Variants in DDX54 observed in about 807,000 individuals in gnomAD.
DDX54 encodes ATP-dependent RNA helicase DDX54.
Under a neutral mutation model 105.5 loss-of-function variants are expected in DDX54, and 67 were observed. The observed-to-expected ratio is 0.64, with a 90% CI of 0.52 to 0.78. The LOEUF (loss-of-function observed/expected upper bound fraction) is 0.78. Ranked by LOEUF, DDX54 falls within the 30% of genes least tolerant of loss-of-function variation. The pLI, the probability that DDX54 is intolerant of heterozygous loss-of-function variation, is 0.00. For synonymous variants in DDX54, 514 were observed against 509.9 expected, an observed-to-expected ratio of 1.01 and a Z score of -0.11; for missense variants, 1,206 against 1,230.5, an observed-to-expected ratio of 0.98 and a Z score of 0.30.
intron 5 of DDX54, 123 bp from the exon 6 acceptor site, chr12:113,177,216 T>A: frequency 8.6e-7 from 1 of 1,163,078 alleles, no homozygotes; most frequent in Non-Finnish European, 1.2e-6. Context: ...GGCTTGGAAC[T>A]GAGGAAAGGC....
In DDX54 at chr12:113,158,530, T is replaced by C. The variant is rs769454189; in HGVS notation, c.*347A>G. The C allele has an allele frequency of 9.2e-5, 21 of 227,960 alleles. No individual in the cohort carries two copies. Among genetic ancestry groups the C allele is most frequent in the East Asian group, 7.2e-4 (8 of 11,092 alleles). The allele number at this position is 227,960 out of a possible 1,614,324, so 14.1% of individuals were successfully genotyped here. On this transcript the variant is annotated 3_prime_UTR_variant, in exon 20 of 20. Coordinates refer to ENST00000306014, the MANE Select transcript of DDX54 (RefSeq NM_024072.4). This position sits in a 1 kb window ranked among gnomAD's most constrained non-coding sequence, Gnocchi z 4.9. ...AAGATTTATTACATTAAAAATTCCA[T>C]TGCCAAACCCTGAGGCACTCAGGGC... is the stretch of plus-strand genomic sequence containing the variant.
intron 11 of DDX54, among the ~76,000 whole-genome samples, chr12:113,171,767 C>CA (rs927741350): frequency 2.0e-5 from 3 of 152,086 alleles, no homozygotes; most frequent in African/African-American, 7.2e-5. Context: ...GGACACACAC[C>CA]AAAATGACGG....
At chr12:113,159,229 C>T in intron 19 of DDX54, 120 bp from the exon 20 acceptor site, 1 of 1,139,304 alleles carries the variant, frequency 8.8e-7, no homozygotes, top group Non-Finnish European at 1.2e-6. Context: ...TTGCTGTGGC[C>T]CAGTGTCTGT....
chr12:113,177,130 G>A, intron 5 of DDX54, 37 bp from the exon 6 acceptor site: 2 of 1,607,578 alleles, frequency 1.2e-6, no homozygotes, highest in Non-Finnish European at 1.7e-6. Context: ...GATAGAACAG[G>A]TCTCTTTGGT....
At chr12:113,164,951 C>G (rs2136315865) in intron 14 of DDX54, among the ~76,000 whole-genome samples, 1 of 152,188 alleles carries the variant, frequency 6.6e-6, no homozygotes, top group South Asian at 2.1e-4. Context: ...CGTTTGAGCC[C>G]AGGAGGTCAA....
At chr12:113,161,480 G>A (rs969073522) in intron 18 of DDX54, 98 bp from the exon 19 acceptor site, 25 of 953,152 alleles carry the variant, frequency 2.6e-5, no homozygotes, top group Non-Finnish European at 3.5e-5. Context: ...TATCCCAGCC[G>A]CAGCTGAAGC....
chr12:113,181,481 T>TA (rs199671969), intron 1 of DDX54, among the ~76,000 whole-genome samples: 4 of 143,826 alleles, frequency 2.8e-5, no homozygotes, highest in Admixed American at 1.4e-4. Flanking sequence ...TGTATTTATT[T>TA]TTTTTTTTTT....
At chr12:113,164,373 T>G (rs1952248920) in intron 14 of DDX54, 88 bp from the exon 15 acceptor site, 1 of 1,440,470 alleles carries the variant, frequency 6.9e-7, no homozygotes, top group African/African-American at 1.4e-5. Context: ...ATGGGCGTTC[T>G]TCCCCAAGTC....
Position 113,158,055 on chromosome 12 carries a change from A to C in DDX54, c.*822T>G. 4.8e-6 allele frequency: 1 copy of C among 208,378 alleles called. No individual in the cohort carries two copies. Among genetic ancestry groups the C allele is most frequent in the Non-Finnish European group, 9.8e-6 (1 of 102,294 alleles). The allele number at this position is 208,378 out of a possible 1,614,324, so 12.9% of individuals were successfully genotyped here. ...ATCACCAAGGCCCCCTCCACTATGG[A>C]CTCTGCCAGGTGAGGGGCCCAGCCT... On this transcript the variant is annotated 3_prime_UTR_variant, in exon 20 of 20. Transcript: ENST00000306014. This position sits in a 1 kb window ranked among gnomAD's most constrained non-coding sequence, Gnocchi z 4.9.
At chr12:113,170,044 G>T (rs1428352158) in intron 11 of DDX54, 140 bp from the exon 12 acceptor site, 1 of 1,227,970 alleles carries the variant, frequency 8.1e-7, no homozygotes. Flanking sequence ...TACGCACAGG[G>T]AAGTTTAATC....
intron 11 of DDX54, among the ~76,000 whole-genome samples, chr12:113,170,694 ATATAT>A (rs1363286981): frequency 2.0e-5 from 3 of 152,114 alleles, no homozygotes; most frequent in Non-Finnish European, 2.9e-5. Flanking sequence ...TCATTTGTTT[ATATAT>A]TATCTATATA....
chr12:113,175,821 C>T (rs949157001), intron 7 of DDX54, among the ~76,000 whole-genome samples: 11 of 151,844 alleles, frequency 7.2e-5, no homozygotes, highest in Admixed American at 2.6e-4. Flanking sequence ...GGCATGGTGG[C>T]GCATGCCTAT....
chr12:113,185,464 C>A lies in DDX54; in HGVS notation c.-13G>T. On this transcript the variant is annotated 5_prime_UTR_variant, in exon 1 of 20. Transcript: ENST00000306014. ...TGTCGGCCGCCATTCGGGCCGCGCG[C>A]TGGGAACGCAGAAGGGGGCGTGGCC... is the stretch of plus-strand genomic sequence containing the variant. 1 of 1,491,342 alleles carries A rather than the reference C, an allele frequency of 6.7e-7. No individual in the cohort carries two copies. Among genetic ancestry groups the A allele is most frequent in the African/African-American group, 1.5e-5 (1 of 68,388 alleles). The allele number at this position is 1,491,342 out of a possible 1,614,324, so 92.4% of individuals were successfully genotyped here.
chr12:113,180,086 A>C (rs1288957438), intron 2 of DDX54, 81 bp from the exon 3 acceptor site: 2 of 1,299,948 alleles, frequency 1.5e-6, no homozygotes, highest in Non-Finnish European at 2.2e-6. Flanking sequence ...GACAAATGAC[A>C]GCTTCATCAA....
chr12:113,168,534 C>T (rs1038033368), intron 12 of DDX54, among the ~76,000 whole-genome samples: 1 of 152,248 alleles, frequency 6.6e-6, no homozygotes, highest in Non-Finnish European at 1.5e-5. Flanking sequence ...CGGGAACCAG[C>T]AGGACTGCAG....
chr12:113,179,759 G>A (rs1952444422), intron 3 of DDX54, among the ~76,000 whole-genome samples, 176 bp downstream of exon 3: 1 of 152,206 alleles, frequency 6.6e-6, no homozygotes, highest in Non-Finnish European at 1.5e-5. Flanking sequence ...CAGAGTCTCT[G>A]CTCGGCTCGG....
At position 113,169,046 on chromosome 12, in the gene DDX54, G is replaced by A. The variant is rs376949707; in HGVS notation, c.1414+724C>T. On this transcript the variant is annotated intron_variant, in intron 12 of 19. Transcript: ENST00000306014. Reference sequence around the variant, plus strand: ...GTATAGGGTCACACACTAGATGCCTGCAGGGGCTGGGCAGGCCACACTGAC... The same window carrying A: ...GTATAGGGTCACACACTAGATGCCTACAGGGGCTGGGCAGGCCACACTGAC... Among the ~76,000 whole-genome samples, 4 of 152,248 alleles carry A rather than the reference G, an allele frequency of 2.6e-5. No homozygotes were observed. In the East Asian group the frequency reaches 5.8e-4, roughly 22 times the overall value.
intron 15 of DDX54, 52 bp downstream of exon 15, chr12:113,164,015 G>GCCA (rs1952241757): frequency 6.6e-6 from 10 of 1,504,492 alleles, no homozygotes; most frequent in African/African-American, 1.4e-5. Flanking sequence ...CTGGGACTTA[G>GCCA]CCACCCCTTC....
chr12:113,175,783 C>T (rs1300640841), intron 7 of DDX54, among the ~76,000 whole-genome samples: 2 of 149,716 alleles, frequency 1.3e-5, no homozygotes, highest in Non-Finnish European at 3.0e-5. Context: ...AGTGAGACTC[C>T]GTCTCAAAAA....
Sources: gnomAD v4.1 joint callset for allele counts (sites outside exome capture counted in the v4.1 genomes callset) on GRCh38, gnomAD v4.1.1 for gene constraint, Gnocchi (gnomAD v3.1) non-coding constraint, MANE v1.5 for transcripts, NCBI Gene and HGNC (gene_info 2026-07-23, HGNC 2026-07-21) for gene names.